Variants in TUBA3D observed in about 807,000 individuals in gnomAD.
TUBA3D encodes the protein tubulin alpha 3d, also known as tubulin alpha-3D chain.
TUBA3D carries 24 observed loss-of-function variants against 36.1 expected under a neutral mutation model. The ratio of observed to expected loss-of-function variants is 0.66; its 90% CI spans 0.48 to 0.93. TUBA3D has a LOEUF of 0.93. TUBA3D is among the 40% of genes least tolerant of loss of function. The pLI, the probability that TUBA3D is intolerant of heterozygous loss-of-function variation, is 0.00. For synonymous variants in TUBA3D, 185 were observed against 247.2 expected (o/e 0.75, Z 2.36); for missense variants, 356 against 614.5 (o/e 0.58, Z 4.45).
intron 1 of TUBA3D, 129 bp downstream of exon 1, chr2:131,476,331 G>A (rs1678665759): frequency 2.7e-6 from 4 of 1,490,814 alleles, no homozygotes; most frequent in Admixed American, 4.0e-5. Context: ...GTCTAGTGCG[G>A]GACAGGAGGA....
intron 1 of TUBA3D, among the ~76,000 whole-genome samples, chr2:131,476,712 T>C (rs1189360497): frequency 6.6e-6 from 1 of 151,954 alleles, no homozygotes; most frequent in Non-Finnish European, 1.5e-5. Flanking sequence ...GGCGGGCGGA[T>C]CACCTGATGT....
At position 131,482,805 on chromosome 2, in the gene TUBA3D, T is replaced by A. The variant is rs1678906458; in HGVS notation, c.1310T>A (p.Val437Glu). The A allele has an allele frequency of 6.2e-7, 1 of 1,613,940 alleles. No individual in the cohort carries two copies. The highest frequency in any genetic ancestry group is 2.2e-5 in the East Asian group (1 of 44,856). ...GAGAAGGATTATGAAGAGGTGGGCG[T>A]GGATTCCGTGGAAGCTGAGGCTGAA... ...ALEKDYEEVG[V>E]DSVEAEAEEG... The change falls in exon 5 of 5, where the codon GTG becomes GAG. Residue 437 changes from valine to glutamate, a missense_variant. By Grantham distance (121) the Val-to-Glu change is moderately radical. Transcript: ENST00000321253.
Position 131,482,588 on chromosome 2 carries a change from G to C in TUBA3D, c.1093G>C (p.Gly365Arg). ...INYQPPTVVP[G>R]GDLAKVQRAV... ...CTACCAGCCCCCCACAGTGGTCCCC[G>C]GGGGAGACCTGGCCAAGGTGCAGCG... The change falls in exon 5 of 5, where the codon GGG becomes CGG. Residue 365 changes from glycine (G) to arginine (R), a missense_variant. Gly to Arg is a moderately radical substitution (Grantham distance 125). This residue lies in a region of TUBA3D where 156 missense variants were observed against 219.8 expected (regional missense o/e 0.71). Transcript: ENST00000321253. The C allele has an allele frequency of 1.2e-6, 2 of 1,612,880 alleles. No individual in the cohort carries two copies. The highest frequency in any genetic ancestry group is 1.7e-6 in the Non-Finnish European group (2 of 1,179,182).
intron 1 of TUBA3D, among the ~76,000 whole-genome samples, chr2:131,476,441 G>A (rs2622028): frequency 1.3e-5 from 2 of 152,184 alleles, no homozygotes; most frequent in Non-Finnish European, 2.9e-5. Context: ...CATTGACGGT[G>A]TCCCGTCCCC....
chr2:131,482,912 T>A lies in TUBA3D; in HGVS notation c.*64T>A. 6.4e-7 allele frequency: 1 copy of A among 1,570,272 alleles called. No homozygotes were observed. The highest frequency in any genetic ancestry group is 8.6e-7 in the Non-Finnish European group (1 of 1,158,320). ...ATGGCTGCTTCCAAGTTGTTTGCAA[T>A]TAAAGGTTCTGTATAAAACCAAGCC... On this transcript the variant is annotated 3_prime_UTR_variant, in exon 5 of 5. Coordinates refer to ENST00000321253, the MANE Select transcript of TUBA3D (RefSeq NM_080386.4).
intron 2 of TUBA3D, 120 bp from the exon 3 acceptor site, chr2:131,479,188 G>C (rs1053458466): frequency 7.0e-7 from 1 of 1,431,956 alleles, no homozygotes; most frequent in African/African-American, 1.4e-5. Flanking sequence ...GTTGACCTAT[G>C]ACATGTAGGT....
intron 2 of TUBA3D, 64 bp downstream of exon 2, chr2:131,478,450 G>A (rs954949232): frequency 1.9e-5 from 27 of 1,434,164 alleles, no homozygotes; most frequent in South Asian, 4.1e-5. Flanking sequence ...GTAAAGCCCC[G>A]TGTGGGCTCC....
At chr2:131,482,512 T>C (rs1221110665) in intron 4 of TUBA3D, 40 bp from the exon 5 acceptor site, 14 of 1,562,658 alleles carry the variant, frequency 9.0e-6, no homozygotes, top group Non-Finnish European at 1.2e-5. Flanking sequence ...CTAGGTTTGA[T>C]ATAAGCTTCA....
intron 2 of TUBA3D, 136 bp from the exon 3 acceptor site, chr2:131,479,172 G>A: frequency 7.2e-7 from 1 of 1,382,012 alleles, no homozygotes; most frequent in Admixed American, 2.4e-5. Flanking sequence ...ACCAGACACT[G>A]CCACTGTTGA....
chr2:131,478,147 T>C lies in TUBA3D; in HGVS notation c.4-17T>C, dbSNP rs754909176. On this transcript the variant is annotated splice_polypyrimidine_tract_variant and intron_variant, in intron 1 of 4. Transcript: ENST00000321253. The stretch of plus-strand genomic sequence containing the variant: ...GCCTTGAAATGAATGGGTTCACTTT[T>C]ATGTTCCTGTTCACAGCGCGAGTGT... 6.2e-7 allele frequency: 1 copy of C among 1,606,288 alleles called. No homozygotes were observed. The highest frequency in any genetic ancestry group is 2.2e-5 in the East Asian group (1 of 44,688).
intron 2 of TUBA3D, 125 bp from the exon 3 acceptor site, chr2:131,479,183 C>T: frequency 7.0e-7 from 1 of 1,433,880 alleles, no homozygotes; most frequent in Non-Finnish European, 9.3e-7. Context: ...CCACTGTTGA[C>T]CTATGACATG....
chr2:131,478,077 T>C (rs1678734740), intron 1 of TUBA3D, 87 bp from the exon 2 acceptor site: 9 of 1,521,718 alleles, frequency 5.9e-6, no homozygotes, highest in Non-Finnish European at 8.0e-6. Context: ...AAGCAGTATA[T>C]AAATATTAAA....
intron 2 of TUBA3D, chr2:131,478,593 G>A: frequency 2.3e-6 from 2 of 877,666 alleles, no homozygotes; most frequent in South Asian, 3.8e-5. Flanking sequence ...TGACCTACAG[G>A]GAAAAGCTGC....
chr2:131,479,405 C>T lies in TUBA3D; in HGVS notation c.324C>T (p.Tyr108=). ...CCAATAATTACGCCAGGGGCCATTA[C>T]ACCATCGGCAAGGAGATTGTTGACC... ...DAANNYARGH[Y]TIGKEIVDLV... The change falls in exon 3 of 5, where the codon TAC becomes TAT. Residue 108 remains tyrosine, a synonymous_variant. Transcript: ENST00000321253. 6.2e-7 allele frequency: 1 copy of T among 1,614,186 alleles called. No individual in the cohort carries two copies. The highest frequency in any genetic ancestry group is 8.5e-7 in the Non-Finnish European group (1 of 1,180,042).
Position 131,479,476 on chromosome 2 carries a change from T to G in TUBA3D, c.375+20T>G, listed in dbSNP as rs762791517. Reference sequence around the variant, plus strand: ...AAACTGGTAAGAAGAGAAGGTTTCATGTGGCCATTTTCTTGCATGGGAGGG... The same window carrying G: ...AAACTGGTAAGAAGAGAAGGTTTCAGGTGGCCATTTTCTTGCATGGGAGGG... On this transcript the variant is annotated intron_variant, in intron 3 of 4. Transcript: ENST00000321253. 10 of 1,609,304 alleles carry G rather than the reference T, an allele frequency of 6.2e-6. No homozygotes were observed. The Admixed American group carries it at 1.3e-4, about 22-fold the overall frequency.
At position 131,480,767 on chromosome 2, in the gene TUBA3D, GGA is replaced by G. The variant is rs1376504865; in HGVS notation, c.1056+20_1056+21del. On this transcript the variant is annotated intron_variant, in intron 4 of 4. Transcript: ENST00000321253. Reference sequence around the variant, plus strand: ...GATTTAAGGTATGACTGGGTGATGTGGAGGCCTTTCAGCAAGCAGCAGATGCA... The same window carrying G: ...GATTTAAGGTATGACTGGGTGATGTGGGCCTTTCAGCAAGCAGCAGATGCA... 1.9e-6 allele frequency: 3 copies of G among 1,601,794 alleles called. No homozygotes were observed. Among genetic ancestry groups the G allele is most frequent in the Non-Finnish European group, 2.6e-6 (3 of 1,171,194 alleles).
At position 131,478,146 on chromosome 2, in the gene TUBA3D, T is replaced by G. The variant is rs1195319273; in HGVS notation, c.4-18T>G. 3.7e-6 allele frequency: 6 copies of G among 1,606,100 alleles called. No individual in the cohort carries two copies. Among genetic ancestry groups the G allele is most frequent in the Non-Finnish European group, 5.1e-6 (6 of 1,173,838 alleles). On this transcript the variant is annotated intron_variant, in intron 1 of 4. Transcript: ENST00000321253. The stretch of plus-strand genomic sequence containing the variant: ...TGCCTTGAAATGAATGGGTTCACTT[T>G]TATGTTCCTGTTCACAGCGCGAGTG...
At chr2:131,479,265 T>C (rs775013912) in intron 2 of TUBA3D, 43 bp from the exon 3 acceptor site, 2 of 1,604,922 alleles carry the variant, frequency 1.2e-6, no homozygotes, top group East Asian at 2.2e-5. Context: ...TCTTGGTGAG[T>C]ACAGGCCTTA....
At chr2:131,480,771 G>C in intron 4 of TUBA3D, 22 bp downstream of exon 4, 1 of 1,599,416 alleles carries the variant, frequency 6.3e-7, no homozygotes, top group East Asian at 2.2e-5. Context: ...TGATGTGGAG[G>C]CCTTTCAGCA....
Sources: allele counts gnomAD v4.1 joint callset (sites outside exome capture counted in the v4.1 genomes callset), GRCh38; gene constraint gnomAD v4.1.1; regional missense constraint gnomAD v4.1.1; transcripts MANE v1.5; gene names NCBI Gene and HGNC (gene_info 2026-07-23, HGNC 2026-07-21).